The following C3orf52 variants were observed in gnomAD, a reference collection of about 807,000 sequenced individuals.
C3orf52 encodes TPA-induced transmembrane protein.
C3orf52 carries 22 observed loss-of-function variants against 24.8 expected under a neutral mutation model. The observed-to-expected ratio is 0.89, with a 90% CI of 0.63 to 1.27. The LOEUF (loss-of-function observed/expected upper bound fraction) is 1.27. C3orf52 is among the 50% of genes most tolerant of loss of function. The probability of loss-of-function intolerance (pLI) is 0.00; values close to 1 mark genes in which losing one functional copy is unlikely to be tolerated. For synonymous variants in C3orf52, 93 were observed against 100.2 expected (o/e 0.93, Z 0.43); for missense variants, 265 against 260.7 (o/e 1.02, Z -0.11).
At chr3:112,123,286 G>T in intron 4 of C3orf52, 3 of 1,233,018 alleles carry the variant, frequency 2.4e-6, no homozygotes, top group Non-Finnish European at 3.3e-6. Flanking sequence ...TTTAGATTTT[G>T]GCTTTTGCGT....
intron 5 of C3orf52, among the ~76,000 whole-genome samples, chr3:112,113,921 A>C (rs990016501): frequency 2.0e-5 from 3 of 152,148 alleles, no homozygotes; most frequent in Non-Finnish European, 4.4e-5. Flanking sequence ...CCTCGCTCGG[A>C]GGCTTGTTTG....
At chr3:112,098,639 A>G (rs1360598702) in intron 2 of C3orf52, among the ~76,000 whole-genome samples, 1 of 152,194 alleles carries the variant, frequency 6.6e-6, no homozygotes, top group Non-Finnish European at 1.5e-5. Context: ...ACAGAATATC[A>G]TAAACTAGGT....
At position 112,112,957 on chromosome 3, in the gene C3orf52, C is replaced by T; in HGVS notation, c.468-7C>T. On this transcript the variant is annotated splice_polypyrimidine_tract_variant and splice_region_variant and intron_variant, in intron 4 of 5. Transcript: ENST00000264848. ...TTTATGTTTTAATGTCTTCCATTGCCTTTCAGTGGTGAAAATGCCACAGTA... is the reference window on the plus strand; with the variant it reads ...TTTATGTTTTAATGTCTTCCATTGCTTTTCAGTGGTGAAAATGCCACAGTA... 1 of 1,602,832 alleles carries T rather than the reference C, an allele frequency of 6.2e-7. No homozygotes were observed.
At chr3:112,092,266 G>T (rs1484334105) in intron 1 of C3orf52, among the ~76,000 whole-genome samples, 2 of 152,164 alleles carry the variant, frequency 1.3e-5, no homozygotes, top group African/African-American at 2.4e-5. Context: ...GGACTTTGGG[G>T]CCTATGAGTT....
At chr3:112,125,236 G>A (rs766131254) in intron 4 of C3orf52, 5 of 1,579,318 alleles carry the variant, frequency 3.2e-6, no homozygotes, top group Admixed American at 3.3e-5. Context: ...CTGGATGGGA[G>A]TAGATGACAT....
At chr3:112,114,614 G>A (rs192574311) in intron 5 of C3orf52, among the ~76,000 whole-genome samples, 3 of 152,168 alleles carry the variant, frequency 2.0e-5, no homozygotes, top group Admixed American at 2.0e-4. Flanking sequence ...TGAGGCAGGA[G>A]AATCACTTGA....
At chr3:112,096,830 C>T (rs2073930888) in intron 2 of C3orf52, among the ~76,000 whole-genome samples, 1 of 152,210 alleles carries the variant, frequency 6.6e-6, no homozygotes, top group East Asian at 1.9e-4. Context: ...GACTGTGCAG[C>T]CTTCATTGCC....
In C3orf52 at chr3:112,113,230, C is replaced by G. The variant is rs1460498458; in HGVS notation, c.649+85C>G. On this transcript the variant is annotated intron_variant, in intron 5 of 5. Coordinates refer to ENST00000264848, the MANE Select transcript of C3orf52 (RefSeq NM_024616.3). ...GTCAAATTGGCTTGGTTCGATTTGG[C>G]AACTGTGGTGACTTGGTACTGTGTC... The G allele has an allele frequency of 3.8e-6, 4 of 1,042,810 alleles. No homozygotes were observed. In the African/African-American group the frequency reaches 6.4e-5, roughly 17 times the overall value. 64.6% of individuals were successfully genotyped at this position (1,042,810 alleles called of 1,614,324 possible). A position where few individuals can be genotyped will look rare whatever the true frequency, so the allele number is the denominator to read the frequency against.
intron 2 of C3orf52, among the ~76,000 whole-genome samples, chr3:112,095,013 T>C (rs2073913613): frequency 6.6e-6 from 1 of 152,180 alleles, no homozygotes; most frequent in African/African-American, 2.4e-5. Context: ...TTTCCCCTTC[T>C]CCCAACCCCT....
intron 1 of C3orf52, among the ~76,000 whole-genome samples, chr3:112,092,355 A>AT (rs1029645272): frequency 5.9e-5 from 9 of 152,256 alleles, no homozygotes; most frequent in Admixed American, 2.6e-4. Context: ...ATACAGACAC[A>AT]TTTTTTCCCC....
downstream of C3orf52, chr3:112,134,364 A>G (rs934356739): frequency 6.6e-6 from 1 of 152,184 alleles, no homozygotes; most frequent in Non-Finnish European, 1.5e-5. Context: ...ACGGATGGCA[A>G]CTGCTAAAAG....
chr3:112,126,409 CCTT>C lies in C3orf52; in HGVS notation c.*47-1821_*47-1819del, dbSNP rs779978020. Among the ~76,000 whole-genome samples, 6 of 152,294 alleles carry C rather than the reference CCTT, an allele frequency of 3.9e-5. No homozygotes were observed. The East Asian group carries it at 9.6e-4, about 24-fold the overall frequency. On this transcript the variant is annotated intron_variant, in intron 4 of 4. Transcript: ENST00000480282. ...GGTGTGATACAATTCATCACACTCTCCTTCTAGAATTCTTTCTCCTTAACTTCA... is the reference window on the plus strand; with the variant it reads ...GGTGTGATACAATTCATCACACTCTCCTAGAATTCTTTCTCCTTAACTTCA...
At chr3:112,091,476 C>T (rs1048350487) in intron 1 of C3orf52, among the ~76,000 whole-genome samples, 1 of 152,162 alleles carries the variant, frequency 6.6e-6, no homozygotes, top group Non-Finnish European at 1.5e-5. Context: ...GGAGATTTGA[C>T]CTAACTCCCG....
At chr3:112,109,779 G>A (rs1249147388) in intron 4 of C3orf52, 166 bp downstream of exon 4, 3 of 491,588 alleles carry the variant, frequency 6.1e-6, no homozygotes, top group Non-Finnish European at 1.1e-5. Context: ...TACACCAACA[G>A]GCTCAACTCC....
In C3orf52 at chr3:112,117,997, T is replaced by C. The variant is rs1349794740; in HGVS notation, c.*1351T>C. 4 of 152,364 alleles carry C rather than the reference T, an allele frequency of 2.6e-5. No individual in the cohort carries two copies. The East Asian group carries it at 7.7e-4, about 29-fold the overall frequency. The allele number at this position is 152,364 out of a possible 1,614,324, so 9.4% of individuals were successfully genotyped here. A position where few individuals can be genotyped will look rare whatever the true frequency, so the allele number is the denominator to read the frequency against. ...GACTCTGGATAATGTGAATTTGCTT[T>C]CCTATTTAACTAGAAGATACATGTA... is the stretch of plus-strand genomic sequence containing the variant. On this transcript the variant is annotated 3_prime_UTR_variant, in exon 6 of 6. Coordinates refer to ENST00000264848, the MANE Select transcript of C3orf52 (RefSeq NM_024616.3).
At chr3:112,103,680 C>G (rs1421103979) in intron 3 of C3orf52, among the ~76,000 whole-genome samples, 7 of 152,142 alleles carry the variant, frequency 4.6e-5, no homozygotes, top group Non-Finnish European at 1.5e-5. Context: ...GGCATCTGAG[C>G]TACCTCAGGT....
intron 3 of C3orf52, among the ~76,000 whole-genome samples, chr3:112,104,609 T>G (rs780546344): frequency 1.1e-4 from 17 of 152,104 alleles, no homozygotes; most frequent in Non-Finnish European, 2.1e-4. Flanking sequence ...TCTTTAAATT[T>G]TTTTTAGATT....
intron 4 of C3orf52, chr3:112,123,517 G>A: frequency 6.2e-7 from 1 of 1,614,204 alleles, no homozygotes; most frequent in Non-Finnish European, 8.5e-7. Flanking sequence ...TGCAGAAAGT[G>A]AGAGGAGATT....
chr3:112,126,896 A>T, intron 4 of C3orf52: 2 of 885,246 alleles, frequency 2.3e-6, no homozygotes, highest in Non-Finnish European at 3.7e-6. Flanking sequence ...TAATTGAAAT[A>T]TGCCTAAGGG....
Sources: allele counts gnomAD v4.1 joint callset (sites outside exome capture counted in the v4.1 genomes callset), GRCh38; gene constraint gnomAD v4.1.1; transcripts MANE v1.5; gene names NCBI Gene and HGNC (gene_info 2026-07-23, HGNC 2026-07-21).